PIEZO1: variants seen among roughly 807,000 people sequenced by gnomAD.
The protein encoded by PIEZO1 is piezo type mechanosensitive ion channel component 1 (Er blood group).
In PIEZO1, 296 loss-of-function variants were observed where a neutral mutation model predicts 297.2. The ratio of observed to expected loss-of-function variants is 1.00; its 90% CI spans 0.91 to 1.10. The LOEUF (loss-of-function observed/expected upper bound fraction) is 1.10. Ranked by LOEUF, PIEZO1 falls within the 50% of genes least tolerant of loss-of-function variation. The pLI is 0.00. For synonymous variants in PIEZO1, 2,427 were observed against 1,507.5 expected, an observed-to-expected ratio of 1.61 and a Z score of -14.13; for missense variants, 5,018 against 3,455.5, an observed-to-expected ratio of 1.45 and a Z score of -11.34.
chr16:88,766,641 C>T (rs1046020395), intron 1 of PIEZO1, among the ~76,000 whole-genome samples: 5 of 152,212 alleles, frequency 3.3e-5, no homozygotes, highest in Non-Finnish European at 5.9e-5. Context: ...AGGGCTGGGG[C>T]GAGTGGGACG....
intron 44 of PIEZO1, 23 bp downstream of exon 44, chr16:88,719,551 G>T (rs1343005235): frequency 1.3e-6 from 2 of 1,547,692 alleles, no homozygotes; most frequent in African/African-American, 2.7e-5. Flanking sequence ...CCTTGTCCCG[G>T]CCCCCGCCCT....
chr16:88,737,372 C>T (rs1597460929), intron 10 of PIEZO1, 187 bp downstream of exon 10: 2 of 563,942 alleles, frequency 3.5e-6, no homozygotes, highest in African/African-American at 4.0e-5. Context: ...AGTGACATGG[C>T]CACTCGGCTG....
At position 88,721,735 on chromosome 16, in the gene PIEZO1, G is replaced by C. The variant is rs1164373237; in HGVS notation, c.5215-9C>G. ...TTGACGACCACCGCGATCTGTGGGG[G>C]AGGGGGCTCAGCACGCGGGGAGGGT... is the stretch of plus-strand genomic sequence containing the variant. On this transcript the variant is annotated splice_polypyrimidine_tract_variant and intron_variant, in intron 37 of 50. Coordinates refer to ENST00000301015, the MANE Select transcript of PIEZO1 (RefSeq NM_001142864.4). 2 of 1,537,846 alleles carry C rather than the reference G, an allele frequency of 1.3e-6. No homozygotes were observed. The highest frequency in any genetic ancestry group is 1.8e-6 in the Non-Finnish European group (2 of 1,141,098).
chr16:88,720,421 G>A lies in PIEZO1; in HGVS notation c.5913C>T (p.Asp1971=), dbSNP rs199817464. The A allele has an allele frequency of 2.5e-5, 39 of 1,550,370 alleles. No individual in the cohort carries two copies. The highest frequency in any genetic ancestry group is 3.3e-5 in the Non-Finnish European group (38 of 1,146,936). ...YALMFLADVV[D]FIIIIFGFWA... ...AGAAGCCAAAAATGATGATGATGAAGTCGACAACATCAGCCAGGAACATGA... is the reference window on the plus strand; with the variant it reads ...AGAAGCCAAAAATGATGATGATGAAATCGACAACATCAGCCAGGAACATGA... Residue 1971 remains aspartate, a synonymous_variant, in exon 41 of 51, where the codon GAC becomes GAT. Transcript: ENST00000301015.
At chr16:88,777,851 G>A (rs967300341) in intron 1 of PIEZO1, among the ~76,000 whole-genome samples, 2 of 152,088 alleles carry the variant, frequency 1.3e-5, no homozygotes, top group Admixed American at 1.3e-4. Context: ...CCAAACCCAC[G>A]CCTGTGCCTT....
chr16:88,778,585 C>T (rs1478118942), intron 1 of PIEZO1, among the ~76,000 whole-genome samples: 6 of 152,220 alleles, frequency 3.9e-5, no homozygotes, highest in African/African-American at 9.7e-5. Context: ...GCCCTGGCAG[C>T]GCCCGGCAGG....
chr16:88,761,514 C>T (rs1348731065), intron 1 of PIEZO1, among the ~76,000 whole-genome samples: 2 of 152,200 alleles, frequency 1.3e-5, no homozygotes, highest in Non-Finnish European at 2.9e-5. Context: ...CACACCATGG[C>T]AATGGTTGTG....
At position 88,734,685 on chromosome 16, in the gene PIEZO1, G is replaced by C; in HGVS notation, c.1962C>G (p.Ala654=). The C allele has an allele frequency of 6.5e-7, 1 of 1,550,362 alleles. No individual in the cohort carries two copies. Among genetic ancestry groups the C allele is most frequent in the Non-Finnish European group, 8.7e-7 (1 of 1,146,946 alleles). The part of the protein sequence containing the change: ...VYTFQFQDFP[A]YWRNLTGFTD... ...TGAAGCCAGTGAGGTTGCGCCAGTA[G>C]GCAGGGAAGTCCTGGAACTGGAAGG... Residue 654 remains alanine (A), a synonymous_variant, in exon 15 of 51, where the codon GCC becomes GCG. Transcript: ENST00000301015.
intron 45 of PIEZO1, 38 bp downstream of exon 45, chr16:88,716,985 G>A (rs948943286): frequency 6.5e-6 from 10 of 1,548,276 alleles, no homozygotes; most frequent in South Asian, 6.0e-5. Flanking sequence ...AGAACCCCCA[G>A]GGGATGGGAA....
chr16:88,749,542 C>G (rs2142863472), intron 1 of PIEZO1, 63 bp from the exon 2 acceptor site: 1 of 1,237,876 alleles, frequency 8.1e-7, no homozygotes, highest in East Asian at 2.7e-5. Flanking sequence ...CCCCAGAGGA[C>G]AGCGCACCCA....
intron 1 of PIEZO1, among the ~76,000 whole-genome samples, chr16:88,782,119 T>G (rs923455308): frequency 5.9e-5 from 9 of 152,200 alleles, no homozygotes; most frequent in Non-Finnish European, 1.2e-4. Context: ...CCCTTTTTTT[T>G]CCTTTTTCTT....
At chr16:88,780,386 G>A (rs949342225) in intron 1 of PIEZO1, among the ~76,000 whole-genome samples, 1 of 139,326 alleles carries the variant, frequency 7.2e-6, no homozygotes, top group African/African-American at 2.6e-5. Context: ...GGATGTGGGT[G>A]GGGGTAGGGG....
chr16:88,776,170 C>G (rs992144537), intron 1 of PIEZO1, among the ~76,000 whole-genome samples: 3 of 152,252 alleles, frequency 2.0e-5, no homozygotes, highest in Non-Finnish European at 4.4e-5. Context: ...CGCGGTGGCT[C>G]ACGCCTGTCA....
rs934693207 is a variant in PIEZO1, at chr16:88,765,747, C to A, written c.65-16268G>T. ...TGGAGTGCAGTGGCACAATCTCGCG[C>A]ACTACAACCTCTACCTCCTGGGTTC... On this transcript the variant is annotated intron_variant, in intron 1 of 50. Coordinates refer to ENST00000301015, the MANE Select transcript of PIEZO1 (RefSeq NM_001142864.4). Among the ~76,000 whole-genome samples the A allele has an allele frequency of 5.3e-5, 8 of 151,094 alleles. No homozygotes were observed. In the East Asian group the frequency reaches 1.6e-3, roughly 29 times the overall value.
rs1912094891 is a variant in PIEZO1, at chr16:88,717,034, C to T, written c.6649G>A (p.Gly2217Ser). The change falls in exon 45 of 51, where the codon GGC becomes AGC. Residue 2217 changes from glycine (G) to serine (S), a missense_variant. Physicochemically the swap from Gly to Ser is moderately conservative, Grantham distance 56 (BLOSUM62 0). Coordinates refer to ENST00000301015, the MANE Select transcript of PIEZO1 (RefSeq NM_001142864.4). ...PIDVTVTLKLGGYEPLFTMSA... is the reference protein window; with the variant it reads ...PIDVTVTLKLSGYEPLFTMSA... ...CCACACATGCTCACCTCATAGCCGC[C>T]CAGCTTCAGGGTGACGGTGACATCG... 6.4e-7 allele frequency: 1 copy of T among 1,550,632 alleles called. No individual in the cohort carries two copies. Among genetic ancestry groups the T allele is most frequent in the East Asian group, 2.4e-5 (1 of 40,926 alleles).
At chr16:88,740,363 C>T (rs565024125) in intron 5 of PIEZO1, 332 of 152,612 alleles carry the variant, frequency 2.2e-3, no homozygotes, top group Non-Finnish European at 3.2e-3. Context: ...ATGAAGATGA[C>T]CAGAGTCCAG....
chr16:88,751,111 G>A (rs1354149995), intron 1 of PIEZO1, among the ~76,000 whole-genome samples: 6 of 152,142 alleles, frequency 3.9e-5, no homozygotes, highest in African/African-American at 1.4e-4. Context: ...TCTGGAGGGA[G>A]GCCCAGCCCA....
chr16:88,775,547 G>A (rs1907617567), intron 1 of PIEZO1, among the ~76,000 whole-genome samples: 1 of 152,098 alleles, frequency 6.6e-6, no homozygotes, highest in Admixed American at 6.5e-5. Context: ...TGGCCAAAAT[G>A]GTGAAACTCC....
intron 1 of PIEZO1, among the ~76,000 whole-genome samples, chr16:88,782,926 G>A (rs1219891220): frequency 6.6e-6 from 1 of 152,226 alleles, no homozygotes; most frequent in Admixed American, 6.5e-5. Context: ...GTGAGGCCCA[G>A]GCCCCACGCC....
Sources: gnomAD v4.1 joint callset for allele counts (sites outside exome capture counted in the v4.1 genomes callset) on GRCh38, gnomAD v4.1.1 for gene constraint, MANE v1.5 for transcripts, NCBI Gene and HGNC (gene_info 2026-07-23, HGNC 2026-07-21) for gene names.